Variants in KCNB2 observed in about 807,000 individuals in gnomAD.
The protein encoded by KCNB2 is potassium voltage-gated channel subfamily B member 2, also known as delayed rectifier potassium channel protein.
Under a neutral mutation model 61.5 loss-of-function variants are expected in KCNB2, and 15 were observed. That is an observed-to-expected ratio of 0.24 (90% CI 0.16 to 0.38). KCNB2 has a LOEUF of 0.38. Among genes scored for constraint, KCNB2 ranks in the 10% least tolerant of loss-of-function variants. The probability of loss-of-function intolerance (pLI) is 1.00; values close to 1 mark genes in which losing one functional copy is unlikely to be tolerated. For missense variants in KCNB2, 828 were observed against 1,125.2 expected (o/e 0.74, Z 3.78); for synonymous variants, 457 against 446.0 (o/e 1.02, Z -0.31).
At chr8:72,693,468 G>T (rs1806971153) in intron 2 of KCNB2, among the ~76,000 whole-genome samples, 1 of 152,108 alleles carries the variant, frequency 6.6e-6, no homozygotes, top group Non-Finnish European at 1.5e-5. Context: ...CATACAGGGA[G>T]CATAAATCCT....
intron 1 of KCNB2, among the ~76,000 whole-genome samples, chr8:72,555,871 T>G (rs1243869920): frequency 6.6e-6 from 1 of 152,052 alleles, no homozygotes; most frequent in Non-Finnish European, 1.5e-5. Context: ...AACTCGTCAT[T>G]TAGCATTAGG....
chr8:72,689,744 T>G (rs1806911183), intron 2 of KCNB2, among the ~76,000 whole-genome samples: 1 of 152,232 alleles, frequency 6.6e-6, no homozygotes, highest in South Asian at 2.1e-4. Flanking sequence ...TCCTTTTTAT[T>G]ACCCGATAGC....
At chr8:72,610,519 G>A (rs1805520427) in intron 2 of KCNB2, among the ~76,000 whole-genome samples, 1 of 151,910 alleles carries the variant, frequency 6.6e-6, no homozygotes, top group Admixed American at 6.6e-5. Flanking sequence ...AAAAGGTTAG[G>A]GATATGATCT....
intron 1 of KCNB2, among the ~76,000 whole-genome samples, chr8:72,547,251 G>A (rs1234249441): frequency 6.6e-6 from 1 of 152,188 alleles, no homozygotes; most frequent in African/African-American, 2.4e-5. Flanking sequence ...AGCTCTGAGG[G>A]AGATGTACAT....
intron 2 of KCNB2, among the ~76,000 whole-genome samples, chr8:72,693,521 G>A (rs1806971986): frequency 6.6e-6 from 1 of 152,058 alleles, no homozygotes; most frequent in South Asian, 2.1e-4. Context: ...CTGGGGAGAG[G>A]GCAAGCTCTG....
rs1210521001 is a variant in KCNB2, at chr8:72,937,103, A to G, written c.1748A>G (p.Gln583Arg). The G allele has an allele frequency of 6.2e-7, 1 of 1,614,182 alleles. No individual in the cohort carries two copies. Among genetic ancestry groups the G allele is most frequent in the Non-Finnish European group, 8.5e-7 (1 of 1,180,032 alleles). Reference protein sequence around the residue: ...EIEMEEVVCPQEQLAVAQTEV... With the variant: ...EIEMEEVVCPREQLAVAQTEV... ...GAAATGGAAGAAGTGGTGTGTCCACAGGAGCAGCTGGCCGTGGCACAGACC... is the reference window on the plus strand; with the variant it reads ...GAAATGGAAGAAGTGGTGTGTCCACGGGAGCAGCTGGCCGTGGCACAGACC... Residue 583 changes from glutamine to arginine, a missense_variant, in exon 3 of 3, where the codon CAG (glutamine) becomes CGG (arginine). By Grantham distance (43) the Gln-to-Arg change is conservative (BLOSUM62 1). Around this residue, in one of 4 missense-constraint regions of KCNB2, gnomAD observed 559 missense variants for 588.4 expected, o/e 0.95. Transcript: ENST00000523207.
chr8:72,747,435 A>G (rs1318294411), intron 2 of KCNB2, among the ~76,000 whole-genome samples: 2 of 152,034 alleles, frequency 1.3e-5, no homozygotes, highest in Non-Finnish European at 2.9e-5. Context: ...ATGAAAGGCA[A>G]TCTCCAAGAC....
intron 2 of KCNB2, among the ~76,000 whole-genome samples, chr8:72,851,826 GAAAAAAAA>G (rs55696554): frequency 4.1e-4 from 18 of 43,864 alleles, no homozygotes; most frequent in South Asian, 2.9e-3. Flanking sequence ...GAAGCTGTAG[GAAAAAAAA>G]AAAAAAAAAA....
intron 2 of KCNB2, among the ~76,000 whole-genome samples, chr8:72,584,198 GC>G (rs1484499246): frequency 2.6e-5 from 4 of 151,820 alleles, no homozygotes; most frequent in Non-Finnish European, 5.9e-5. Flanking sequence ...TTTTTTAAGG[GC>G]ATTTAAAGAG....
At chr8:72,560,236 G>A (rs1163823945) in intron 1 of KCNB2, among the ~76,000 whole-genome samples, 1 of 152,126 alleles carries the variant, frequency 6.6e-6, no homozygotes, top group Admixed American at 6.6e-5. Flanking sequence ...TGATCTAAAA[G>A]TTAATTTTTA....
intron 2 of KCNB2, among the ~76,000 whole-genome samples, chr8:72,667,110 T>C (rs1806488864): frequency 6.6e-6 from 1 of 152,080 alleles, no homozygotes; most frequent in Non-Finnish European, 1.5e-5. Context: ...CTCTATGTCT[T>C]GGTTTGATCC....
chr8:72,571,316 C>T (rs998603421), intron 2 of KCNB2, among the ~76,000 whole-genome samples: 2 of 152,146 alleles, frequency 1.3e-5, no homozygotes, highest in Non-Finnish European at 2.9e-5. Context: ...AAGTCAACTC[C>T]TATGGAACAT....
intron 2 of KCNB2, among the ~76,000 whole-genome samples, chr8:72,784,378 T>C (rs1322715565): frequency 6.6e-6 from 1 of 152,220 alleles, no homozygotes; most frequent in Non-Finnish European, 1.5e-5. Flanking sequence ...TCTGGCTTAC[T>C]TCTCTTATCA....
chr8:72,620,358 A>T (rs2128984148), intron 2 of KCNB2, among the ~76,000 whole-genome samples: 1 of 152,366 alleles, frequency 6.6e-6, no homozygotes, highest in South Asian at 2.1e-4. Flanking sequence ...GCACATGCTG[A>T]TTCAAACCTG....
At chr8:72,856,279 A>G (rs1426696966) in intron 2 of KCNB2, among the ~76,000 whole-genome samples, 1 of 152,180 alleles carries the variant, frequency 6.6e-6, no homozygotes, top group Non-Finnish European at 1.5e-5. Context: ...ATACATTTTT[A>G]TACTACATAT....
chr8:72,556,385 G>A (rs562293898), intron 1 of KCNB2, among the ~76,000 whole-genome samples: 1 of 152,152 alleles, frequency 6.6e-6, no homozygotes, highest in Non-Finnish European at 1.5e-5. Context: ...GTTGAGAGAG[G>A]GGGCAGGGGA....
At chr8:72,926,477 A>G (rs1482631773) in intron 2 of KCNB2, among the ~76,000 whole-genome samples, 1 of 152,112 alleles carries the variant, frequency 6.6e-6, no homozygotes, top group African/African-American at 2.4e-5. Flanking sequence ...ATACATGTGT[A>G]GGATATGCAT....
chr8:72,768,676 A>G (rs558931119), intron 2 of KCNB2, among the ~76,000 whole-genome samples: 29 of 152,236 alleles, frequency 1.9e-4, no homozygotes, highest in Admixed American at 3.9e-4. Flanking sequence ...TTTTTTTCCT[A>G]AGAATTTTAT....
chr8:72,578,814 T>C (rs1213794234), intron 2 of KCNB2, among the ~76,000 whole-genome samples: 1 of 152,252 alleles, frequency 6.6e-6, no homozygotes, highest in Non-Finnish European at 1.5e-5. Context: ...CTTGGTTGAG[T>C]TGTTTGGCAA....
Sources: gnomAD v4.1 joint callset for allele counts (sites outside exome capture counted in the v4.1 genomes callset) on GRCh38, gnomAD v4.1.1 for gene constraint, gnomAD v4.1.1 regional missense constraint, MANE v1.5 for transcripts, NCBI Gene and HGNC (gene_info 2026-07-23, HGNC 2026-07-21) for gene names.